Variants in ARMH3 observed in about 807,000 individuals in gnomAD.
ARMH3 encodes the protein armadillo like helical domain containing 3, also known as armadillo-like helical domain-containing protein 3.
A neutral mutation model predicts 99.1 loss-of-function variants in ARMH3; 60 were observed. That is an observed-to-expected ratio of 0.61 (90% CI 0.49 to 0.75). The LOEUF is 0.75. ARMH3 is among the 30% of genes least tolerant of loss of function. ARMH3 has a pLI of 0.00. For synonymous variants in ARMH3, 285 were observed against 292.8 expected (o/e 0.97, Z 0.27); for missense variants, 679 against 843.1 (o/e 0.81, Z 2.41).
intron 23 of ARMH3, among the ~76,000 whole-genome samples, chr10:101,932,961 C>T (rs1157468442): frequency 3.3e-5 from 5 of 152,116 alleles, no homozygotes; most frequent in African/African-American, 9.7e-5. Context: ...CTGAGGCAGG[C>T]GGATTACGAG....
intron 9 of ARMH3, among the ~76,000 whole-genome samples, chr10:102,013,140 T>C (rs1199816753): frequency 1.3e-5 from 2 of 152,222 alleles, no homozygotes; most frequent in African/African-American, 4.8e-5. Context: ...CCCAGATTGT[T>C]GACAATTTCA....
chr10:101,890,204 G>C (rs977017299), intron 23 of ARMH3, among the ~76,000 whole-genome samples: 5 of 151,076 alleles, frequency 3.3e-5, no homozygotes, highest in Non-Finnish European at 7.4e-5. Context: ...ATGATTCATA[G>C]AGAGAGACAA....
At chr10:101,864,078 AACAC>A (rs71016353) in intron 24 of ARMH3, among the ~76,000 whole-genome samples, 5,097 of 106,180 alleles carry the variant, frequency 0.048, 140 homozygotes, top group Non-Finnish European at 0.06. Context: ...AAAAAAAAAA[AACAC>A]ACACACACAC....
intron 23 of ARMH3, among the ~76,000 whole-genome samples, chr10:101,919,318 T>A (rs1843211336): frequency 6.6e-6 from 1 of 152,164 alleles, no homozygotes; most frequent in African/African-American, 2.4e-5. Context: ...ACCAACAGGC[T>A]GATGTTTTGA....
chr10:102,030,035 C>G (rs937486534), intron 4 of ARMH3, among the ~76,000 whole-genome samples: 1 of 152,048 alleles, frequency 6.6e-6, no homozygotes, highest in Non-Finnish European at 1.5e-5. Context: ...ATCCTCCCAC[C>G]TCAGCCTTCC....
chr10:102,031,651 A>T (rs1440005212), intron 4 of ARMH3, among the ~76,000 whole-genome samples: 2 of 152,268 alleles, frequency 1.3e-5, no homozygotes, highest in Non-Finnish European at 2.9e-5. Flanking sequence ...ACTGGGGCTC[A>T]CAAAGTGATC....
At chr10:101,985,589 C>T (rs370674113) in intron 19 of ARMH3, among the ~76,000 whole-genome samples, 50 of 152,020 alleles carry the variant, frequency 3.3e-4, no homozygotes, top group Middle Eastern at 6.8e-3. Flanking sequence ...TGGTGCAAGC[C>T]TGTAGTCCTA....
intron 22 of ARMH3, among the ~76,000 whole-genome samples, chr10:101,942,627 T>A (rs1372410020): frequency 6.6e-6 from 1 of 152,068 alleles, no homozygotes; most frequent in African/African-American, 2.4e-5. Context: ...TTTGGGAGAC[T>A]GAAGTGGGTG....
chr10:101,862,827 G>A (rs2066905182), intron 24 of ARMH3, among the ~76,000 whole-genome samples: 1 of 152,164 alleles, frequency 6.6e-6, no homozygotes, highest in South Asian at 2.1e-4. Flanking sequence ...TCATAAATAA[G>A]TTCAATGTAA....
chr10:101,867,239 T>C (rs1312872967), intron 24 of ARMH3, among the ~76,000 whole-genome samples: 1 of 152,234 alleles, frequency 6.6e-6, no homozygotes, highest in African/African-American at 2.4e-5. Context: ...ATTGGTTCCA[T>C]TGATTCTGTC....
intron 23 of ARMH3, among the ~76,000 whole-genome samples, chr10:101,903,838 G>C (rs2068036651): frequency 6.6e-6 from 1 of 152,212 alleles, no homozygotes; most frequent in Admixed American, 6.5e-5. Context: ...ACCTCTGCCT[G>C]TTGGGGTCCT....
intron 22 of ARMH3, among the ~76,000 whole-genome samples, chr10:101,947,259 GATTT>G (rs1211435908): frequency 1.3e-5 from 2 of 152,058 alleles, no homozygotes; most frequent in Admixed American, 1.3e-4. Context: ...AATGACTACA[GATTT>G]ATTTTCAGAA....
At chr10:102,049,745 T>C (rs953637440) in intron 1 of ARMH3, among the ~76,000 whole-genome samples, 1 of 151,710 alleles carries the variant, frequency 6.6e-6, no homozygotes, top group Non-Finnish European at 1.5e-5. Flanking sequence ...TTTGTAGAGA[T>C]TGAGTTTCAC....
intron 24 of ARMH3, among the ~76,000 whole-genome samples, chr10:101,868,929 G>A (rs1414745679): frequency 2.0e-5 from 3 of 151,946 alleles, no homozygotes; most frequent in Admixed American, 6.6e-5. Context: ...AAAATTAGCC[G>A]GGTGTGGTGG....
In ARMH3 at chr10:101,888,059, C is replaced by CT. The variant is rs36070631; in HGVS notation, c.1860+1352dup. The stretch of plus-strand genomic sequence containing the variant: ...ACGTGGCTGACAGAGTAAATGTCTC[C>CT]TTTTTTTTTTTTTTAAAAAAAAAAA... On this transcript the variant is annotated intron_variant, in intron 24 of 25. Transcript: ENST00000370033. 1.8e-3 allele frequency among the ~76,000 whole-genome samples: 244 copies of CT among 137,304 alleles called. 1 individual carries two copies. The highest frequency in any genetic ancestry group is 2.8e-3 in the African/African-American group (105 of 37,502). The allele number at this position is 137,304 out of a possible 152,430, so 90.1% of individuals were successfully genotyped here.
intron 14 of ARMH3, among the ~76,000 whole-genome samples, chr10:102,002,541 T>C (rs565325191): frequency 3.4e-4 from 51 of 152,162 alleles, no homozygotes; most frequent in African/African-American, 1.2e-3. Flanking sequence ...AACAAGTCTT[T>C]AGGCTGGACG....
chr10:101,940,083 G>GAT (rs1844170451), intron 22 of ARMH3, 145 bp from the exon 23 acceptor site: 1 of 581,702 alleles, frequency 1.7e-6, no homozygotes, highest in Non-Finnish European at 3.0e-6. Context: ...CCTCAGCTTA[G>GAT]ATAAAAATAC....
At chr10:101,948,846 A>C (rs902895406) in intron 22 of ARMH3, among the ~76,000 whole-genome samples, 2 of 152,226 alleles carry the variant, frequency 1.3e-5, no homozygotes, top group African/African-American at 2.4e-5. Flanking sequence ...CTGGGCCATA[A>C]AACATGTCTC....
Position 101,849,845 on chromosome 10 carries a change from C to T in ARMH3, c.1908G>A (p.Leu636=). The part of the protein sequence containing the change: ...RANYDTLTLK[L]QDGLDQYERY... ...GCTCATACTGGTCCAGGCCATCCTG[C>T]AGCTTCAGCGTGAGCGTGTCATAGT... The change falls in exon 25 of 26, where the codon CTG becomes CTA. Residue 636 remains leucine (L), a synonymous_variant. Transcript: ENST00000370033. 1 of 1,614,208 alleles carries T rather than the reference C, an allele frequency of 6.2e-7. No individual in the cohort carries two copies. Among genetic ancestry groups the T allele is most frequent in the Non-Finnish European group, 8.5e-7 (1 of 1,180,040 alleles).
Sources: allele counts gnomAD v4.1 joint callset (sites outside exome capture counted in the v4.1 genomes callset), GRCh38; gene constraint gnomAD v4.1.1; transcripts MANE v1.5; gene names NCBI Gene and HGNC (gene_info 2026-07-23, HGNC 2026-07-21).